C2CD5: variants seen among roughly 807,000 people sequenced by gnomAD.
The protein encoded by C2CD5 is C2 calcium dependent domain containing 5.
A neutral mutation model predicts 130.3 loss-of-function variants in C2CD5; 109 were observed. The ratio of observed to expected loss-of-function variants is 0.84; its 90% CI spans 0.72 to 0.98. The LOEUF (loss-of-function observed/expected upper bound fraction) is 0.98. C2CD5 is among the 50% of genes least tolerant of loss of function. The pLI, the probability that C2CD5 is intolerant of heterozygous loss-of-function variation, is 0.00. For synonymous variants in C2CD5, 454 were observed against 429.2 expected, an observed-to-expected ratio of 1.06 and a Z score of -0.71; for missense variants, 996 against 1,261.8, an observed-to-expected ratio of 0.79 and a Z score of 3.19.
At chr12:22,470,499 C>T (rs929572749) in intron 21 of C2CD5, among the ~76,000 whole-genome samples, 4 of 152,084 alleles carry the variant, frequency 2.6e-5, no homozygotes, top group African/African-American at 9.7e-5. Context: ...ATCAGTAGGT[C>T]CTCAGATGCC....
intron 7 of C2CD5, 100 bp from the exon 8 acceptor site, chr12:22,518,237 A>C (rs1949950757): frequency 8.9e-7 from 1 of 1,125,460 alleles, no homozygotes; most frequent in African/African-American, 1.5e-5. Flanking sequence ...GGGCAGGGCC[A>C]GCAGTCATTT....
chr12:22,466,204 A>G (rs549621613), intron 22 of C2CD5, among the ~76,000 whole-genome samples: 1 of 152,214 alleles, frequency 6.6e-6, no homozygotes, highest in Non-Finnish European at 1.5e-5. Flanking sequence ...TCTTGAAACT[A>G]ATCCCCTAGT....
intron 12 of C2CD5, among the ~76,000 whole-genome samples, chr12:22,489,860 T>G (rs1224018405): frequency 6.6e-6 from 1 of 151,540 alleles, no homozygotes; most frequent in South Asian, 2.1e-4. Context: ...CAAAAAAAAA[T>G]GGACACCTGA....
chr12:22,457,679 T>C (rs926728873), intron 24 of C2CD5, among the ~76,000 whole-genome samples: 1 of 152,166 alleles, frequency 6.6e-6, no homozygotes, highest in Non-Finnish European at 1.5e-5. Context: ...CTCTGCTAGC[T>C]AAAAGTTGGT....
intron 22 of C2CD5, among the ~76,000 whole-genome samples, chr12:22,463,184 C>T (rs1173728604): frequency 6.6e-6 from 1 of 151,706 alleles, no homozygotes; most frequent in Non-Finnish European, 1.5e-5. Context: ...GTCAGGAGTT[C>T]GAGACCAGCC....
intron 16 of C2CD5, among the ~76,000 whole-genome samples, 190 bp from the exon 17 acceptor site, chr12:22,472,997 T>C (rs1032737765): frequency 6.6e-6 from 1 of 152,116 alleles, no homozygotes; most frequent in Non-Finnish European, 1.5e-5. Flanking sequence ...AAGTGAAATA[T>C]TTTACGTACA....
intron 1 of C2CD5, 23 bp downstream of exon 1, chr12:22,544,292 GGCAGT>G: frequency 6.5e-6 from 4 of 620,134 alleles, no homozygotes; most frequent in Non-Finnish European, 1.0e-5. Flanking sequence ...GCGGGCGCCC[GGCAGT>G]CGCGCCACGG....
At chr12:22,482,336 A>C (rs1044695891) in intron 14 of C2CD5, among the ~76,000 whole-genome samples, 1 of 152,218 alleles carries the variant, frequency 6.6e-6, no homozygotes, top group African/African-American at 2.4e-5. Context: ...GACAAATGAT[A>C]ATTTTTAGAA....
chr12:22,540,079 A>G (rs1952213445), intron 2 of C2CD5, among the ~76,000 whole-genome samples: 1 of 152,170 alleles, frequency 6.6e-6, no homozygotes, highest in Admixed American at 6.5e-5. Context: ...TTCAATGTAC[A>G]TAATTGTCAA....
chr12:22,484,787 C>T lies in C2CD5; in HGVS notation c.1460G>A (p.Arg487Lys). 1 of 1,609,340 alleles carries T rather than the reference C, an allele frequency of 6.2e-7. No homozygotes were observed. Among genetic ancestry groups the T allele is most frequent in the Non-Finnish European group, 8.5e-7 (1 of 1,177,008 alleles). ...CAGAACATCAGGAACTTTTTGTTTC[C>T]TGCAGTTATAGCAATATGTGAGATG... ...PAHLTYCYNC[R>K]KQKVPDVLFT... Residue 487 changes from arginine (R) to lysine (K), a missense_variant, in exon 13 of 27, where the codon AGG (arginine) becomes AAG (lysine). Around this residue, in one of 9 missense-constraint regions of C2CD5, gnomAD observed 590 missense variants for 631.4 expected, o/e 0.93. Transcript: ENST00000446597.
At chr12:22,497,528 T>C (rs1290738695) in intron 10 of C2CD5, 1 of 496,598 alleles carries the variant, frequency 2.0e-6, no homozygotes, top group African/African-American at 2.1e-5. Flanking sequence ...GTTAATACAA[T>C]GATAATCTAT....
At chr12:22,521,849 T>C (rs1169046080) in intron 7 of C2CD5, among the ~76,000 whole-genome samples, 2 of 152,150 alleles carry the variant, frequency 1.3e-5, no homozygotes, top group Admixed American at 6.5e-5. Context: ...AGGATAAAGA[T>C]GAAAATTTCA....
rs540585840 is a variant in C2CD5, at chr12:22,453,361, T to C, written c.3024+535A>G. On this transcript the variant is annotated intron_variant, in intron 26 of 26. Transcript: ENST00000446597. ...TTATGGCATTTCATACTATTTAGTA[T>C]AGTTGATTAATTTTTAAAAAATTTT... Among the ~76,000 whole-genome samples, 7 of 152,348 alleles carry C rather than the reference T, an allele frequency of 4.6e-5. No individual in the cohort carries two copies. In the South Asian group the frequency reaches 1.4e-3, roughly 32 times the overall value.
rs777327106 is a variant in C2CD5 at position 22,518,109 on chromosome 12, T to C, written c.829A>G (p.Asn277Asp). The change falls in exon 8 of 27, where the codon AAT (asparagine) becomes GAT (aspartate). Residue 277 changes from asparagine (N) to aspartate (D), a missense_variant. Coordinates refer to ENST00000446597, the MANE Select transcript of C2CD5 (RefSeq NM_001286176.2). ...GTTGAGGGTCCTGATGAGTGAGTAT[T>C]GGGATTGGGATCTTCATTGAAGGGA... ...EIPFNEDPNPNTHSSGPSTPL... is the reference protein window; with the variant it reads ...EIPFNEDPNPDTHSSGPSTPL... 55 of 1,613,776 alleles carry C rather than the reference T, an allele frequency of 3.4e-5. No homozygotes were observed. Among genetic ancestry groups the C allele is most frequent in the Non-Finnish European group, 4.3e-5 (51 of 1,179,822 alleles).
chr12:22,497,872 TG>T (rs1947224374), intron 10 of C2CD5, among the ~76,000 whole-genome samples: 1 of 150,626 alleles, frequency 6.6e-6, no homozygotes, highest in Non-Finnish European at 1.5e-5. Context: ...ACTCCATAAT[TG>T]TGAAATTTCA....
chr12:22,526,455 G>T (rs1248688796), intron 4 of C2CD5, among the ~76,000 whole-genome samples: 2 of 152,200 alleles, frequency 1.3e-5, no homozygotes. Context: ...TTAAGTGGCA[G>T]ATCCAGGATT....
At chr12:22,525,732 T>G in intron 4 of C2CD5, 27 bp from the exon 5 acceptor site, 1 of 1,062,472 alleles carries the variant, frequency 9.4e-7, no homozygotes, top group South Asian at 1.3e-5. Flanking sequence ...AAAATCAAGT[T>G]TCTACCTTAA....
intron 2 of C2CD5, among the ~76,000 whole-genome samples, chr12:22,539,407 A>G (rs1952129939): frequency 6.6e-6 from 1 of 152,000 alleles, no homozygotes; most frequent in Non-Finnish European, 1.5e-5. Context: ...AAACCTCTTA[A>G]TATCAAGTTT....
At chr12:22,469,929 TC>T in intron 21 of C2CD5, 134 bp from the exon 22 acceptor site, 1 of 531,912 alleles carries the variant, frequency 1.9e-6, no homozygotes, top group East Asian at 3.3e-5. Flanking sequence ...GGTCATTTTC[TC>T]CTTGATTTCT....
Sources: allele counts gnomAD v4.1 joint callset (sites outside exome capture counted in the v4.1 genomes callset), GRCh38; gene constraint gnomAD v4.1.1; regional missense constraint gnomAD v4.1.1; transcripts MANE v1.5; gene names NCBI Gene and HGNC (gene_info 2026-07-23, HGNC 2026-07-21).